Variants in ST3GAL4 observed in about 807,000 individuals in gnomAD.
ST3GAL4 encodes the protein ST3 beta-galactoside alpha-2,3-sialyltransferase 4, also known as CMP-N-acetylneuraminate-beta-galactosamide-alpha-2,3-sialyltransferase 4.
ST3GAL4 carries 24 observed loss-of-function variants against 42.6 expected under a neutral mutation model. The observed-to-expected ratio is 0.56, with a 90% confidence interval of 0.41 to 0.79. The LOEUF is 0.79. ST3GAL4 is among the 30% of genes least tolerant of loss of function. The pLI is 0.00. For missense variants in ST3GAL4, 311 were observed against 430.8 expected, an observed-to-expected ratio of 0.72 and a Z score of 2.46; for synonymous variants, 135 against 163.2, an observed-to-expected ratio of 0.83 and a Z score of 1.32.
Position 126,398,842 on chromosome 11 carries a change from C to T in ST3GAL4, c.-60-7254C>T, listed in dbSNP as rs952934881. Among the ~76,000 whole-genome samples the T allele has an allele frequency of 6.6e-6, 1 of 152,146 alleles. No homozygotes were observed. The highest frequency in any genetic ancestry group is 2.4e-5 in the African/African-American group (1 of 41,440). ...TGGTAGGTCAAGCTGCACCTGGGCCCATTTAAGCCATGGCTGGGGAGGCAG... is the reference window on the plus strand; with the variant it reads ...TGGTAGGTCAAGCTGCACCTGGGCCTATTTAAGCCATGGCTGGGGAGGCAG... On this transcript the variant is annotated intron_variant, in intron 1 of 10. Coordinates refer to ENST00000444328, the MANE Select transcript of ST3GAL4 (RefSeq NM_001254757.2). The surrounding 1 kb of genome is among the most constrained non-coding windows in gnomAD (Gnocchi z 4.7).
intron 1 of ST3GAL4, among the ~76,000 whole-genome samples, chr11:126,362,785 G>A (rs1296503807): frequency 6.6e-6 from 1 of 152,216 alleles, no homozygotes; most frequent in Non-Finnish European, 1.5e-5. Context: ...TATCTGCCAC[G>A]TCTCACAGCC....
chr11:126,407,207 G>C, intron 4 of ST3GAL4, 45 bp from the exon 5 acceptor site: 1 of 1,600,990 alleles, frequency 6.2e-7, no homozygotes, highest in Non-Finnish European at 8.6e-7. Context: ...CTGGCATCAA[G>C]ATTAATTCTG....
chr11:126,388,810 T>G (rs1427517050), intron 1 of ST3GAL4, among the ~76,000 whole-genome samples: 15 of 146,560 alleles, frequency 1.0e-4, no homozygotes, highest in Non-Finnish European at 1.5e-5. Flanking sequence ...TTGTTCTTGT[T>G]GCCCAGGCTG....
At position 126,409,178 on chromosome 11, in the gene ST3GAL4, C is replaced by A. The variant is rs1331842899; in HGVS notation, c.628-90C>A. On this transcript the variant is annotated intron_variant, in intron 8 of 10. Coordinates refer to ENST00000444328, the MANE Select transcript of ST3GAL4 (RefSeq NM_001254757.2). The surrounding 1 kb of genome is among the most constrained non-coding windows in gnomAD (Gnocchi z 4.9). The stretch of plus-strand genomic sequence containing the variant: ...CTGAAGGCCTCTGCCATCGCTTGGA[C>A]CCCCTCGCCTCGCTGAGGACCACTG... 3.6e-5 allele frequency: 55 copies of A among 1,537,512 alleles called. No individual in the cohort carries two copies. The highest frequency in any genetic ancestry group is 4.6e-5 in the Non-Finnish European group (52 of 1,127,264).
chr11:126,367,965 T>A (rs1398999180), intron 1 of ST3GAL4, among the ~76,000 whole-genome samples: 1 of 151,966 alleles, frequency 6.6e-6, no homozygotes, highest in African/African-American at 2.4e-5. Context: ...CTGGTCAACA[T>A]GGTGAAACCC....
rs186236505 is a variant in ST3GAL4, at chr11:126,394,017, T to C, written c.-60-12079T>C. 2.0e-5 allele frequency among the ~76,000 whole-genome samples: 3 copies of C among 152,344 alleles called. No individual in the cohort carries two copies. The East Asian group carries it at 5.8e-4, about 29-fold the overall frequency. The stretch of plus-strand genomic sequence containing the variant: ...CACATGTCAGTGTGGACTGGCCCCA[T>C]TGCAAATACTCAGTGGCCTGGGACT... On this transcript the variant is annotated intron_variant, in intron 1 of 10. Coordinates refer to ENST00000444328, the MANE Select transcript of ST3GAL4 (RefSeq NM_001254757.2).
chr11:126,374,644 G>T (rs1225212865), intron 1 of ST3GAL4, among the ~76,000 whole-genome samples: 4 of 152,202 alleles, frequency 2.6e-5, no homozygotes, highest in East Asian at 1.9e-4. Flanking sequence ...ATGGAGAGGA[G>T]TTGGGCAAGG....
At chr11:126,413,423 A>T in intron 9 of ST3GAL4, 82 bp from the exon 10 acceptor site, 1 of 1,537,412 alleles carries the variant, frequency 6.5e-7, no homozygotes, top group Non-Finnish European at 8.8e-7. Flanking sequence ...TGACTGCAGG[A>T]AGTTCCACTG....
chr11:126,375,216 G>A (rs1952790410), intron 1 of ST3GAL4: 1 of 152,324 alleles, frequency 6.6e-6, no homozygotes, highest in Admixed American at 6.5e-5. Context: ...GTGGTCCCAC[G>A]AATACAGCTG....
intron 8 of ST3GAL4, 121 bp downstream of exon 8, chr11:126,408,617 ACCGGGCTC>A: frequency 8.0e-7 from 1 of 1,254,114 alleles, no homozygotes; most frequent in Non-Finnish European, 1.1e-6. Context: ...GACAGCATGA[ACCGGGCTC>A]CCGGAAGTCA....
At chr11:126,387,202 G>A (rs1953259009) in intron 1 of ST3GAL4, among the ~76,000 whole-genome samples, 1 of 152,186 alleles carries the variant, frequency 6.6e-6, no homozygotes, top group Non-Finnish European at 1.5e-5. Flanking sequence ...CTTCCAGATA[G>A]TGCCATTTTA....
At chr11:126,413,398 T>G in intron 9 of ST3GAL4, 107 bp from the exon 10 acceptor site, 6 of 1,428,820 alleles carry the variant, frequency 4.2e-6, no homozygotes, top group South Asian at 1.4e-5. Context: ...ACAGCGCAGA[T>G]GGAGAACGTT....
chr11:126,387,410 G>T (rs970615508), intron 1 of ST3GAL4, among the ~76,000 whole-genome samples: 2 of 152,054 alleles, frequency 1.3e-5, no homozygotes, highest in African/African-American at 4.8e-5. Flanking sequence ...AGGTGTGGTG[G>T]CTCACACCTT....
At chr11:126,389,944 C>A (rs1309531754) in intron 1 of ST3GAL4, among the ~76,000 whole-genome samples, 1 of 146,102 alleles carries the variant, frequency 6.8e-6, no homozygotes, top group South Asian at 2.1e-4. Context: ...GAGGCCGAGG[C>A]GGGTGAATCA....
rs1405277158 is a variant in ST3GAL4, at chr11:126,366,472, C to G, written c.-61+10630C>G. On this transcript the variant is annotated intron_variant, in intron 1 of 10. Transcript: ENST00000444328. This position sits in a 1 kb window ranked among gnomAD's most constrained non-coding sequence, Gnocchi z 4.2. ...GACCAATGTGTTTGTGCTGGAGAAGCCTGTGTAGGTTACTGACATGGGGAG... is the reference window on the plus strand; with the variant it reads ...GACCAATGTGTTTGTGCTGGAGAAGGCTGTGTAGGTTACTGACATGGGGAG... 2.0e-5 allele frequency among the ~76,000 whole-genome samples: 3 copies of G among 152,022 alleles called. No homozygotes were observed. The highest frequency in any genetic ancestry group is 2.0e-4 in the Admixed American group (3 of 15,256).
At chr11:126,395,392 A>G (rs1411076794) in intron 1 of ST3GAL4, among the ~76,000 whole-genome samples, 1 of 152,116 alleles carries the variant, frequency 6.6e-6, no homozygotes, top group African/African-American at 2.4e-5. Context: ...ACGGAGAGAG[A>G]TAGCCAGGCC....
Position 126,414,152 on chromosome 11 carries a change from C to T in ST3GAL4, c.*105C>T, listed in dbSNP as rs555500133. ...TGCCAGTATGACCCACTTGGACTCA[C>T]CCCCTCTTGGGGAGGGAGTTCTGGG... On this transcript the variant is annotated 3_prime_UTR_variant, in exon 11 of 11. Transcript: ENST00000444328. 43 of 1,121,348 alleles carry T rather than the reference C, an allele frequency of 3.8e-5. No homozygotes were observed. In the East Asian group the frequency reaches 4.7e-4, roughly 12 times the overall value. 69.5% of individuals were successfully genotyped at this position (1,121,348 alleles called of 1,614,324 possible). A position where few individuals can be genotyped will look rare whatever the true frequency, so the allele number is the denominator to read the frequency against.
At position 126,410,642 on chromosome 11, in the gene ST3GAL4, A is replaced by G. The variant is rs1565428788; in HGVS notation, c.771+1231A>G. 6.6e-6 allele frequency among the ~76,000 whole-genome samples: 1 copy of G among 152,214 alleles called. No homozygotes were observed. The highest frequency in any genetic ancestry group is 2.4e-5 in the African/African-American group (1 of 41,450). On this transcript the variant is annotated intron_variant, in intron 9 of 10. Transcript: ENST00000444328. This position sits in a 1 kb window ranked among gnomAD's most constrained non-coding sequence, Gnocchi z 5.3. ...TAAATGATTTTATTGTTTACTGAACATTTCCTGTTATTCCATGTTCTGTGT... is the reference window on the plus strand; with the variant it reads ...TAAATGATTTTATTGTTTACTGAACGTTTCCTGTTATTCCATGTTCTGTGT...
intron 1 of ST3GAL4, chr11:126,358,456 C>T (rs1477943616): frequency 1.1e-5 from 5 of 455,296 alleles, no homozygotes; most frequent in Middle Eastern, 6.5e-4. Flanking sequence ...GGATGGACTA[C>T]TGGCTGTCCC....
Sources: allele counts gnomAD v4.1 joint callset (sites outside exome capture counted in the v4.1 genomes callset), GRCh38; gene constraint gnomAD v4.1.1; non-coding constraint Gnocchi (gnomAD v3.1); transcripts MANE v1.5; gene names NCBI Gene and HGNC (gene_info 2026-07-23, HGNC 2026-07-21).